The following TMEM163 variants were observed in gnomAD, a reference collection of about 807,000 sequenced individuals.
TMEM163 encodes the protein transmembrane protein 163.
Under a neutral mutation model 29.3 loss-of-function variants are expected in TMEM163, and 17 were observed. That is an observed-to-expected ratio of 0.58 (90% CI 0.40 to 0.87). The LOEUF (loss-of-function observed/expected upper bound fraction) is 0.87, where lower values mean the gene tolerates loss of function less well. Among genes scored for constraint, TMEM163 ranks in the 40% least tolerant of loss-of-function variants. The probability of loss-of-function intolerance (pLI) is 0.00; values close to 1 mark genes in which losing one functional copy is unlikely to be tolerated. For missense variants in TMEM163, 303 were observed against 381.5 expected, an observed-to-expected ratio of 0.79 and a Z score of 1.71; for synonymous variants, 157 against 160.6, an observed-to-expected ratio of 0.98 and a Z score of 0.17.
At chr2:134,463,297 G>A (rs1000781015) in intron 6 of TMEM163, among the ~76,000 whole-genome samples, 6 of 152,174 alleles carry the variant, frequency 3.9e-5, no homozygotes, top group African/African-American at 1.2e-4. Flanking sequence ...CTCATCCCTC[G>A]GCTCTCAGCA....
intron 4 of TMEM163, among the ~76,000 whole-genome samples, chr2:134,524,512 T>C (rs1171699400): frequency 1.3e-5 from 2 of 150,042 alleles, no homozygotes; most frequent in Non-Finnish European, 3.0e-5. Flanking sequence ...CTATTTATCC[T>C]GATGCCCTCC....
At chr2:134,471,665 A>T (rs1431570460) in intron 5 of TMEM163, among the ~76,000 whole-genome samples, 1 of 152,210 alleles carries the variant, frequency 6.6e-6, no homozygotes, top group Non-Finnish European at 1.5e-5. Context: ...GCAGACATGG[A>T]GACATGGCTG....
At chr2:134,576,726 G>A (rs1210253902) in intron 2 of TMEM163, among the ~76,000 whole-genome samples, 1 of 152,192 alleles carries the variant, frequency 6.6e-6, no homozygotes, top group Non-Finnish European at 1.5e-5. Flanking sequence ...GTATTTACAA[G>A]TCCTGAAAAG....
chr2:134,707,667 C>G (rs758464236), intron 2 of TMEM163, among the ~76,000 whole-genome samples: 1 of 151,908 alleles, frequency 6.6e-6, no homozygotes, highest in Non-Finnish European at 1.5e-5. Context: ...AGGAGGGGCA[C>G]AAAGGGAAGA....
At position 134,536,551 on chromosome 2, in the gene TMEM163, C is replaced by G. The variant is rs1315899310; in HGVS notation, c.458+14019G>C. Among the ~76,000 whole-genome samples, 3 of 152,206 alleles carry G rather than the reference C, an allele frequency of 2.0e-5. No homozygotes were observed. In the East Asian group the frequency reaches 5.8e-4, roughly 29 times the overall value. The stretch of plus-strand genomic sequence containing the variant: ...TGAATCCTCACCCCACCAGCAGGAT[C>G]CCAGCTCTATGGCTCTGGGCTTCTG... On this transcript the variant is annotated intron_variant, in intron 4 of 7. Coordinates refer to ENST00000281924, the MANE Select transcript of TMEM163 (RefSeq NM_030923.5).
In TMEM163 at chr2:134,513,677, T is replaced by C. The variant is rs534126622; in HGVS notation, c.459-10680A>G. Among the ~76,000 whole-genome samples, 15 of 152,304 alleles carry C rather than the reference T, an allele frequency of 9.8e-5. No homozygotes were observed. The South Asian group carries it at 2.3e-3, about 23-fold the overall frequency. ...GCACACTTGCAGGGCCTGACCTGCA[T>C]TCATCCTCCCGCTTCATGGGTAATG... On this transcript the variant is annotated intron_variant, in intron 4 of 7. Coordinates refer to ENST00000281924, the MANE Select transcript of TMEM163 (RefSeq NM_030923.5).
At chr2:134,571,358 C>G (rs1681422650) in intron 2 of TMEM163, among the ~76,000 whole-genome samples, 1 of 152,122 alleles carries the variant, frequency 6.6e-6, no homozygotes, top group African/African-American at 2.4e-5. Context: ...GGTTTGACCA[C>G]AGAACAGGGG....
Position 134,458,121 on chromosome 2 carries a change from C to G in TMEM163, c.720G>C (p.Ala240=), listed in dbSNP as rs141969695. The G allele has an allele frequency of 3.1e-6, 5 of 1,614,040 alleles. No individual in the cohort carries two copies. Among genetic ancestry groups the G allele is most frequent in the African/African-American group, 2.7e-5 (2 of 74,908 alleles). Residue 240 remains alanine, a synonymous_variant, in exon 7 of 8, where the codon GCG becomes GCC. Transcript: ENST00000281924. ...CCGCCGAGTCATGCTTGAACACTTC[C>G]GCGCTCAGAAGAATGGAGAAGCCCA... is the stretch of plus-strand genomic sequence containing the variant. The part of the protein sequence containing the change: ...GVMGFSILLS[A]EVFKHDSAVW...
chr2:134,637,214 G>C (rs550293163), intron 2 of TMEM163, among the ~76,000 whole-genome samples: 4 of 152,072 alleles, frequency 2.6e-5, no homozygotes, highest in African/African-American at 9.6e-5. Context: ...TGTCTGTGTG[G>C]AGTTGGCACA....
intron 2 of TMEM163, among the ~76,000 whole-genome samples, chr2:134,710,193 T>C (rs1370201795): frequency 1.3e-5 from 2 of 152,214 alleles, no homozygotes; most frequent in African/African-American, 4.8e-5. Context: ...AGCGCGTCCT[T>C]AACCTTGGCA....
chr2:134,620,443 G>A (rs780765910), intron 2 of TMEM163, among the ~76,000 whole-genome samples: 14 of 152,078 alleles, frequency 9.2e-5, no homozygotes, highest in Non-Finnish European at 1.6e-4. Flanking sequence ...TTTTAGTAGA[G>A]ATGGGGTTTC....
intron 2 of TMEM163, among the ~76,000 whole-genome samples, chr2:134,647,680 C>T (rs1000296068): frequency 6.6e-6 from 1 of 152,196 alleles, no homozygotes; most frequent in East Asian, 1.9e-4. Context: ...GAAAACCTAC[C>T]GAAGCAGGAA....
intron 2 of TMEM163, among the ~76,000 whole-genome samples, chr2:134,684,099 T>C (rs1684305724): frequency 6.6e-6 from 1 of 152,138 alleles, no homozygotes; most frequent in Admixed American, 6.5e-5. Context: ...TACTATTATC[T>C]TGCTTTACTG....
chr2:134,458,028 C>T lies in TMEM163; in HGVS notation c.809+4G>A. The T allele has an allele frequency of 6.2e-7, 1 of 1,614,156 alleles. No individual in the cohort carries two copies. The highest frequency in any genetic ancestry group is 1.1e-5 in the South Asian group (1 of 91,080). Reference sequence around the variant, plus strand: ...AAAGCAAACAGGAAAGCACAAGAACCTACTTGACCCCATAGGCAAATATGG... The same window carrying T: ...AAAGCAAACAGGAAAGCACAAGAACTTACTTGACCCCATAGGCAAATATGG... On this transcript the variant is annotated splice_donor_region_variant and intron_variant, in intron 7 of 7. Coordinates refer to ENST00000281924, the MANE Select transcript of TMEM163 (RefSeq NM_030923.5).
chr2:134,541,048 A>G (rs1680652977), intron 4 of TMEM163, among the ~76,000 whole-genome samples: 1 of 152,228 alleles, frequency 6.6e-6, no homozygotes, highest in Admixed American at 6.5e-5. Flanking sequence ...TAAACAAAAA[A>G]CACCCATGGC....
At chr2:134,465,197 A>AAAAAAAC (rs1686639608) in intron 6 of TMEM163, among the ~76,000 whole-genome samples, 1 of 136,074 alleles carries the variant, frequency 7.3e-6, no homozygotes, top group Non-Finnish European at 1.5e-5. Context: ...TTTAAAAAAA[A>AAAAAAAC]AAAAAACAAA....
At chr2:134,631,334 T>C (rs1682963329) in intron 2 of TMEM163, among the ~76,000 whole-genome samples, 1 of 152,094 alleles carries the variant, frequency 6.6e-6, no homozygotes, top group Admixed American at 6.5e-5. Context: ...CACTAATGAC[T>C]TTTTTTTCTT....
intron 4 of TMEM163, among the ~76,000 whole-genome samples, chr2:134,511,541 G>A (rs780987242): frequency 6.6e-6 from 1 of 152,234 alleles, no homozygotes; most frequent in African/African-American, 2.4e-5. Context: ...GAGACCAGGA[G>A]AAGGCACCTG....
At chr2:134,672,296 T>C (rs963834424) in intron 2 of TMEM163, among the ~76,000 whole-genome samples, 3 of 152,188 alleles carry the variant, frequency 2.0e-5, no homozygotes, top group Non-Finnish European at 4.4e-5. Context: ...ACATACTATA[T>C]ACTACTTACC....
Sources: gnomAD v4.1 joint callset for allele counts (sites outside exome capture counted in the v4.1 genomes callset) on GRCh38, gnomAD v4.1.1 for gene constraint, MANE v1.5 for transcripts, NCBI Gene and HGNC (gene_info 2026-07-23, HGNC 2026-07-21) for gene names.